HDAC9: variants seen among roughly 807,000 people sequenced by gnomAD.
HDAC9 encodes the protein histone deacetylase 9.
A neutral mutation model predicts 139.4 loss-of-function variants in HDAC9; 41 were observed. That is an observed-to-expected ratio of 0.29 (90% CI 0.23 to 0.38). The LOEUF is 0.38. Among genes scored for constraint, HDAC9 ranks in the 10% least tolerant of loss-of-function variants. The pLI is 1.00. For missense variants in HDAC9, 1,147 were observed against 1,297.0 expected (o/e 0.88, Z 1.78); for synonymous variants, 517 against 476.2 (o/e 1.09, Z -1.12).
At chr7:18,377,771 A>C (rs1228597489) in intron 1 of HDAC9, among the ~76,000 whole-genome samples, 5 of 152,202 alleles carry the variant, frequency 3.3e-5, no homozygotes, top group Non-Finnish European at 7.3e-5. Context: ...ATAATGTAAT[A>C]ATGATTCATT....
intron 14 of HDAC9, among the ~76,000 whole-genome samples, chr7:18,752,601 C>T (rs915300851): frequency 7.2e-5 from 11 of 152,024 alleles, no homozygotes; most frequent in Non-Finnish European, 1.2e-4. Context: ...GAGTACCAGG[C>T]GGGATGTCTT....
chr7:18,912,176 G>C (rs1012255295), intron 22 of HDAC9, among the ~76,000 whole-genome samples: 1 of 151,870 alleles, frequency 6.6e-6, no homozygotes, highest in African/African-American at 2.4e-5. Flanking sequence ...CCAGTGTTGG[G>C]TATTTACAAT....
At chr7:18,475,861 G>A (rs1432135533) in intron 1 of HDAC9, among the ~76,000 whole-genome samples, 3 of 152,120 alleles carry the variant, frequency 2.0e-5, no homozygotes, top group Non-Finnish European at 2.9e-5. Context: ...ATCTCAATGC[G>A]ACTTCAGCAT....
intron 2 of HDAC9, among the ~76,000 whole-genome samples, chr7:18,212,020 G>C (rs145266675): frequency 5.3e-5 from 8 of 152,262 alleles, no homozygotes; most frequent in Non-Finnish European, 1.2e-4. Context: ...GTTGCTCAGT[G>C]ATTCTCTGAC....
intron 22 of HDAC9, among the ~76,000 whole-genome samples, chr7:18,916,022 G>GAAAAAAAAAAAA (rs55866735): frequency 2.2e-5 from 3 of 138,122 alleles, no homozygotes; most frequent in African/African-American, 5.3e-5. Flanking sequence ...CCCCCCGCTG[G>GAAAAAAAAAAAA]AAAAAAAAAA....
At chr7:18,507,556 G>A (rs1341766838) in intron 2 of HDAC9, among the ~76,000 whole-genome samples, 3 of 151,930 alleles carry the variant, frequency 2.0e-5, no homozygotes, top group African/African-American at 7.2e-5. Flanking sequence ...GTGCAATGGC[G>A]CCCTCTTGGG....
intron 1 of HDAC9, among the ~76,000 whole-genome samples, chr7:18,347,867 G>A (rs1174123798): frequency 6.6e-6 from 1 of 152,092 alleles, no homozygotes; most frequent in African/African-American, 2.4e-5. Flanking sequence ...ACGAGCCACT[G>A]CACCTGGCCG....
intron 8 of HDAC9, among the ~76,000 whole-genome samples, chr7:18,640,677 A>T (rs1205375293): frequency 5.9e-5 from 9 of 151,974 alleles, no homozygotes; most frequent in African/African-American, 2.2e-4. Flanking sequence ...TTTTAATGGG[A>T]TATAAATGGC....
chr7:18,534,464 T>A (rs1434453078), intron 2 of HDAC9, among the ~76,000 whole-genome samples: 1 of 152,208 alleles, frequency 6.6e-6, no homozygotes, highest in Admixed American at 6.5e-5. Flanking sequence ...GGAGGATTAC[T>A]TGAGCCTTAG....
chr7:18,391,400 A>G (rs1485255694), intron 1 of HDAC9, among the ~76,000 whole-genome samples: 1 of 151,974 alleles, frequency 6.6e-6, no homozygotes, highest in Non-Finnish European at 1.5e-5. Context: ...CAAAAAAAAA[A>G]GAAAGTAAAA....
At chr7:18,801,143 T>C (rs1793252373) in intron 17 of HDAC9, among the ~76,000 whole-genome samples, 1 of 152,102 alleles carries the variant, frequency 6.6e-6, no homozygotes, top group African/African-American at 2.4e-5. Flanking sequence ...AAATCTCTGA[T>C]ATAATGCTGA....
intron 21 of HDAC9, among the ~76,000 whole-genome samples, chr7:18,863,669 T>C (rs548327509): frequency 1.3e-5 from 2 of 152,052 alleles, no homozygotes; most frequent in South Asian, 4.1e-4. Context: ...AAAATAAACA[T>C]TGGACATAAT....
At chr7:18,982,175 G>A (rs1275256332) in intron 25 of HDAC9, among the ~76,000 whole-genome samples, 1 of 152,158 alleles carries the variant, frequency 6.6e-6, no homozygotes, top group African/African-American at 2.4e-5. Context: ...CTGACACTCA[G>A]TCCAAAGTAT....
intron 1 of HDAC9, among the ~76,000 whole-genome samples, chr7:18,133,761 G>A (rs1180914922): frequency 3.3e-5 from 5 of 152,108 alleles, no homozygotes; most frequent in African/African-American, 9.7e-5. Context: ...ACATGTTTCT[G>A]TAAATGCTTT....
intron 21 of HDAC9, among the ~76,000 whole-genome samples, chr7:18,863,957 A>G (rs55761404): frequency 0.43 from 65,071 of 152,024 alleles, 14,152 homozygotes; most frequent in South Asian, 0.57. Flanking sequence ...TCTCTTTGAG[A>G]TTCTGATTTC....
intron 2 of HDAC9, among the ~76,000 whole-genome samples, chr7:18,501,637 T>A (rs1365257247): frequency 6.6e-6 from 1 of 152,180 alleles, no homozygotes; most frequent in Non-Finnish European, 1.5e-5. Context: ...TTTTTAAATC[T>A]ATCCATCCAT....
intron 25 of HDAC9, among the ~76,000 whole-genome samples, chr7:18,987,936 C>T (rs1456538069): frequency 6.8e-6 from 1 of 146,524 alleles, no homozygotes; most frequent in African/African-American, 2.4e-5. Flanking sequence ...TTTTTTATCG[C>T]ATCTATTTGA....
At chr7:18,371,072 T>C (rs1488866028) in intron 1 of HDAC9, among the ~76,000 whole-genome samples, 1 of 152,154 alleles carries the variant, frequency 6.6e-6, no homozygotes, top group Non-Finnish European at 1.5e-5. Flanking sequence ...TTTCAGAATG[T>C]CTGTCAGAAG....
intron 25 of HDAC9, among the ~76,000 whole-genome samples, chr7:18,995,670 C>G (rs1389008918): frequency 6.6e-6 from 1 of 152,122 alleles, no homozygotes; most frequent in Non-Finnish European, 1.5e-5. Context: ...CAAACTGGTT[C>G]CATAGGAAAT....
Sources: allele counts gnomAD v4.1 joint callset (sites outside exome capture counted in the v4.1 genomes callset), GRCh38; gene constraint gnomAD v4.1.1; transcripts MANE v1.5; gene names NCBI Gene and HGNC (gene_info 2026-07-23, HGNC 2026-07-21).